The following REM2 variants were observed in gnomAD, a reference collection of about 807,000 sequenced individuals.
The protein encoded by REM2 is RRAD and GEM like GTPase 2, also known as GTP-binding protein REM 2.
Under a neutral mutation model 24.4 loss-of-function variants are expected in REM2, and 24 were observed. The ratio of observed to expected loss-of-function variants is 0.98; its 90% confidence interval spans 0.71 to 1.38. The LOEUF is 1.38. REM2 is among the 40% of genes most tolerant of loss of function. The pLI, the probability that REM2 is intolerant of heterozygous loss-of-function variation, is 0.00. For synonymous variants in REM2, 187 were observed against 198.0 expected (o/e 0.94, Z 0.47); for missense variants, 429 against 467.8 (o/e 0.92, Z 0.77).
At position 22,886,955 on chromosome 14, in the gene REM2, T is replaced by TCCGCTCGCCCCCC; in HGVS notation, c.*48_*60dup. 7.4e-7 allele frequency: 1 copy of TCCGCTCGCCCCCC among 1,351,030 alleles called. No individual in the cohort carries two copies. The highest frequency in any genetic ancestry group is 1.5e-5 in the African/African-American group (1 of 64,894). The allele number at this position is 1,351,030 out of a possible 1,614,324, so 83.7% of individuals were successfully genotyped here. A position where few individuals can be genotyped will look rare whatever the true frequency, so the allele number is the denominator to read the frequency against. ...TGCGGTCGCCATGGTCACCGCGCCC[T>TCCGCTCGCCCCCC]CCGCTCGCCCCCCCTCGCCCCGCCC... On this transcript the variant is annotated 3_prime_UTR_variant, in exon 5 of 5. Coordinates refer to ENST00000267396, the MANE Select transcript of REM2 (RefSeq NM_173527.3). The surrounding 1 kb of genome is among the most constrained non-coding windows in gnomAD (Gnocchi z 5.9).
intron 1 of REM2, chr14:22,884,425 G>C (rs1193848095): frequency 5.1e-6 from 5 of 985,334 alleles, no homozygotes; most frequent in Non-Finnish European, 4.8e-6. Flanking sequence ...TTCCCTGCAT[G>C]GGGCACGTTT....
At chr14:22,884,225 CCT>C in intron 1 of REM2, 2 of 985,434 alleles carry the variant, frequency 2.0e-6, no homozygotes, top group South Asian at 9.4e-5. Flanking sequence ...AGCTTGTCAT[CCT>C]CTCTGCTCCT....
chr14:22,885,227 T>G (rs2040112523), intron 2 of REM2, 39 bp from the exon 3 acceptor site: 1 of 1,578,882 alleles, frequency 6.3e-7, no homozygotes, highest in South Asian at 1.1e-5. Flanking sequence ...TTGGGAAACC[T>G]CCTAATGGAC....
In REM2 at chr14:22,886,924, G is replaced by A. The variant is rs1485630304; in HGVS notation, c.*15G>A. 1.1e-5 allele frequency: 15 copies of A among 1,405,090 alleles called. No individual in the cohort carries two copies. The highest frequency in any genetic ancestry group is 1.2e-5 in the Non-Finnish European group (13 of 1,073,362). The allele number at this position is 1,405,090 out of a possible 1,614,324, so 87.0% of individuals were successfully genotyped here. On this transcript the variant is annotated 3_prime_UTR_variant, in exon 5 of 5. Coordinates refer to ENST00000267396, the MANE Select transcript of REM2 (RefSeq NM_173527.3). The surrounding 1 kb of genome is among the most constrained non-coding windows in gnomAD (Gnocchi z 5.9). Reference sequence around the variant, plus strand: ...CGGTGCTCTGAGCCGCGGTCGCCATGGCCACTGCGGTCGCCATGGTCACCG... The same window carrying A: ...CGGTGCTCTGAGCCGCGGTCGCCATAGCCACTGCGGTCGCCATGGTCACCG...
At position 22,883,387 on chromosome 14, in the gene REM2, C is replaced by A. The variant is rs1176863333; in HGVS notation, c.100C>A (p.Pro34Thr). Residue 34 changes from proline (P) to threonine (T), a missense_variant, in exon 1 of 5, where the codon CCA (proline) becomes ACA (threonine). Transcript: ENST00000267396. ...RRASPPGTPT[P>T]EADATLLKKS... ...GGCCTCCCCTCCAGGGACGCCCACA[C>A]CAGGTGAGGGCTAACCTGGGCAGGT... 3.9e-6 allele frequency: 6 copies of A among 1,552,750 alleles called. No individual in the cohort carries two copies. The highest frequency in any genetic ancestry group is 2.4e-5 in the East Asian group (1 of 41,002).
chr14:22,886,573 C>A lies in REM2; in HGVS notation c.728-41C>A. ...CTAGACCCACCCTCGCCCCGGGTCC[C>A]GTACAGCCCAGCGGGCGCCTGAGCC... On this transcript the variant is annotated intron_variant, in intron 4 of 4. Coordinates refer to ENST00000267396, the MANE Select transcript of REM2 (RefSeq NM_173527.3). This position sits in a 1 kb window ranked among gnomAD's most constrained non-coding sequence, Gnocchi z 5.9. The A allele has an allele frequency of 6.9e-7, 1 of 1,441,880 alleles. No homozygotes were observed. Among genetic ancestry groups the A allele is most frequent in the Non-Finnish European group, 9.1e-7 (1 of 1,097,346 alleles). The allele number at this position is 1,441,880 out of a possible 1,614,324, so 89.3% of individuals were successfully genotyped here. A position where few individuals can be genotyped will look rare whatever the true frequency, so the allele number is the denominator to read the frequency against.
intron 3 of REM2, 145 bp from the exon 4 acceptor site, chr14:22,885,879 A>G (rs548730651): frequency 1.4e-5 from 9 of 638,958 alleles, no homozygotes; most frequent in Admixed American, 2.6e-5. Context: ...CACTCTGGGT[A>G]GGGAGATTCT....
In REM2 at chr14:22,887,042, C is replaced by T; in HGVS notation, c.*133C>T. 1.3e-6 allele frequency: 1 copy of T among 796,006 alleles called. No individual in the cohort carries two copies. Among genetic ancestry groups the T allele is most frequent in the Non-Finnish European group, 1.8e-6 (1 of 552,340 alleles). The allele number at this position is 796,006 out of a possible 1,614,324, so 49.3% of individuals were successfully genotyped here. A position where few individuals can be genotyped will look rare whatever the true frequency, so the allele number is the denominator to read the frequency against. On this transcript the variant is annotated 3_prime_UTR_variant, in exon 5 of 5. Transcript: ENST00000267396. ...GAAACCAAAAACTCCCAGGATGCCC[C>T]GGTGTGACCGCCGGGGGCGGCCCGG...
At position 22,884,977 on chromosome 14, in the gene REM2, G is replaced by C; in HGVS notation, c.407G>C (p.Gly136Ala). Reference protein sequence around the residue: ...GKSTLAGTFGGLQGDSAHEPE... With the variant: ...GKSTLAGTFGALQGDSAHEPE... ...AGCACCCTAGCAGGCACTTTTGGTG[G>C]TCTCCAGGGAGACAGTGCTCACGAA... The change falls in exon 2 of 5, where the codon GGT (glycine) becomes GCT (alanine). Residue 136 changes from glycine to alanine, a missense_variant. Physicochemically the swap from Gly to Ala is moderately conservative, Grantham distance 60. Coordinates refer to ENST00000267396, the MANE Select transcript of REM2 (RefSeq NM_173527.3). The C allele has an allele frequency of 6.4e-7, 1 of 1,562,198 alleles. No homozygotes were observed. The highest frequency in any genetic ancestry group is 8.7e-7 in the Non-Finnish European group (1 of 1,151,736).
At chr14:22,885,598 CTGGACACCCTG>C (rs2040117730) in intron 3 of REM2, among the ~76,000 whole-genome samples, 1 of 152,150 alleles carries the variant, frequency 6.6e-6, no homozygotes, top group African/African-American at 2.4e-5. Context: ...CCAAGCTAGG[CTGGACACCCTG>C]AAATTGACTC....
chr14:22,886,399 C>T lies in REM2; in HGVS notation c.727+168C>T, dbSNP rs57119196. 1,059 of 743,668 alleles carry T rather than the reference C, an allele frequency of 1.4e-3. 18 individuals are homozygous for T. The African/African-American group carries it at 0.017, about 12-fold the overall frequency. The allele number at this position is 743,668 out of a possible 1,614,324, so 46.1% of individuals were successfully genotyped here. A position where few individuals can be genotyped will look rare whatever the true frequency, so the allele number is the denominator to read the frequency against. ...CCCCACTCGAGGATCCTGAGAATCC[C>T]TTCTTGTCACTTCCCCTCACCTCTC... On this transcript the variant is annotated intron_variant, in intron 4 of 4. Transcript: ENST00000267396. This position sits in a 1 kb window ranked among gnomAD's most constrained non-coding sequence, Gnocchi z 5.9.
rs1393959219 is a variant in REM2, at chr14:22,886,494, C to G, written c.728-120C>G. On this transcript the variant is annotated intron_variant, in intron 4 of 4. Coordinates refer to ENST00000267396, the MANE Select transcript of REM2 (RefSeq NM_173527.3). The surrounding 1 kb of genome is among the most constrained non-coding windows in gnomAD (Gnocchi z 5.9). Reference sequence around the variant, plus strand: ...CCATATGAGCTCAGCCATGTTCTCTCGGTTGCAAGATTCACTAGTACCAAT... The same window carrying G: ...CCATATGAGCTCAGCCATGTTCTCTGGGTTGCAAGATTCACTAGTACCAAT... The G allele has an allele frequency of 2.1e-6, 2 of 947,234 alleles. No individual in the cohort carries two copies. The highest frequency in any genetic ancestry group is 3.3e-5 in the African/African-American group (2 of 60,324). The allele number at this position is 947,234 out of a possible 1,614,324, so 58.7% of individuals were successfully genotyped here. A position where few individuals can be genotyped will look rare whatever the true frequency, so the allele number is the denominator to read the frequency against.
Position 22,887,510 on chromosome 14 carries a change from G to A in REM2, c.*601G>A, listed in dbSNP as rs1193245679. On this transcript the variant is annotated 3_prime_UTR_variant, in exon 5 of 5. Transcript: ENST00000267396. ...TGCTGTTCCTGAGATGGATTCTCTTGACTTACCAGTCCACCACGGCACTTC... is the reference window on the plus strand; with the variant it reads ...TGCTGTTCCTGAGATGGATTCTCTTAACTTACCAGTCCACCACGGCACTTC... 6.6e-6 allele frequency: 1 copy of A among 152,160 alleles called. No individual in the cohort carries two copies. The highest frequency in any genetic ancestry group is 1.5e-5 in the Non-Finnish European group (1 of 68,030). The allele number at this position is 152,160 out of a possible 1,614,324, so 9.4% of individuals were successfully genotyped here. A position where few individuals can be genotyped will look rare whatever the true frequency, so the allele number is the denominator to read the frequency against.
chr14:22,883,609 C>T (rs1226557931), intron 1 of REM2, among the ~76,000 whole-genome samples: 1 of 152,120 alleles, frequency 6.6e-6, no homozygotes, highest in Non-Finnish European at 1.5e-5. Flanking sequence ...CCCAGCACTC[C>T]CAGGGCTTTG....
At position 22,885,937 on chromosome 14, in the gene REM2, C is replaced by T. The variant is rs887958427; in HGVS notation, c.520-87C>T. The T allele has an allele frequency of 3.5e-6, 4 of 1,133,646 alleles. 1 individual carries two copies. In the Admixed American group the frequency reaches 5.3e-5, roughly 15 times the overall value. The allele number at this position is 1,133,646 out of a possible 1,614,324, so 70.2% of individuals were successfully genotyped here. ...CTAAGCAGGTGGCTTCTTTCTGCCTCACAGCCCTGTTCCTCCTCTTTGAGG... is the reference window on the plus strand; with the variant it reads ...CTAAGCAGGTGGCTTCTTTCTGCCTTACAGCCCTGTTCCTCCTCTTTGAGG... On this transcript the variant is annotated intron_variant, in intron 3 of 4. Transcript: ENST00000267396.
Position 22,884,973 on chromosome 14 carries a change from G to C in REM2, c.403G>C (p.Gly135Arg). Reference sequence around the variant, plus strand: ...CAAGAGCACCCTAGCAGGCACTTTTGGTGGTCTCCAGGGAGACAGTGCTCA... The same window carrying C: ...CAAGAGCACCCTAGCAGGCACTTTTCGTGGTCTCCAGGGAGACAGTGCTCA... The part of the protein sequence containing the change: ...VGKSTLAGTF[G>R]GLQGDSAHEP... The change falls in exon 2 of 5, where the codon GGT (glycine) becomes CGT (arginine). Residue 135 changes from glycine to arginine, a missense_variant. Coordinates refer to ENST00000267396, the MANE Select transcript of REM2 (RefSeq NM_173527.3). 6 of 1,567,658 alleles carry C rather than the reference G, an allele frequency of 3.8e-6. No homozygotes were observed. Among genetic ancestry groups the C allele is most frequent in the Non-Finnish European group, 5.2e-6 (6 of 1,153,894 alleles).
In REM2 at chr14:22,884,001, G is replaced by C. The variant is rs117502337; in HGVS notation, c.103+611G>C. 5.4e-5 allele frequency: 53 copies of C among 984,788 alleles called. No homozygotes were observed. In the East Asian group the frequency reaches 6.0e-3, roughly 112 times the overall value. The allele number at this position is 984,788 out of a possible 1,614,324, so 61.0% of individuals were successfully genotyped here. A position where few individuals can be genotyped will look rare whatever the true frequency, so the allele number is the denominator to read the frequency against. On this transcript the variant is annotated intron_variant, in intron 1 of 4. Coordinates refer to ENST00000267396, the MANE Select transcript of REM2 (RefSeq NM_173527.3). ...CTCACAGGGACAGACAGGGATGCAG[G>C]ATTCTCACATCCAACCACGCAATGA...
Position 22,887,076 on chromosome 14 carries a change from G to A in REM2, c.*167G>A, listed in dbSNP as rs1441179413. The A allele has an allele frequency of 5.8e-6, 3 of 521,002 alleles. No individual in the cohort carries two copies. The highest frequency in any genetic ancestry group is 3.5e-5 in the East Asian group (1 of 28,758). 32.3% of individuals were successfully genotyped at this position (521,002 alleles called of 1,614,324 possible). On this transcript the variant is annotated 3_prime_UTR_variant, in exon 5 of 5. Coordinates refer to ENST00000267396, the MANE Select transcript of REM2 (RefSeq NM_173527.3). ...CGCCGGGGGCGGCCCGGGGCCGCTC[G>A]GCGGCACCTCCACACCCGCCCCAAC...
rs961115895 is a variant in REM2 at position 22,886,281 on chromosome 14, C to T, written c.727+50C>T. 2.0e-6 allele frequency: 3 copies of T among 1,502,004 alleles called. No individual in the cohort carries two copies. In the African/African-American group the frequency reaches 4.1e-5, roughly 21 times the overall value. 93.0% of individuals were successfully genotyped at this position (1,502,004 alleles called of 1,614,324 possible). ...ACTTGCGATCTCAGGGGAATGCTCT[C>T]CCTTCCAAGTCACCTCTTCTCCCTA... On this transcript the variant is annotated intron_variant, in intron 4 of 4. Coordinates refer to ENST00000267396, the MANE Select transcript of REM2 (RefSeq NM_173527.3). This position sits in a 1 kb window ranked among gnomAD's most constrained non-coding sequence, Gnocchi z 5.9.
Sources: allele counts gnomAD v4.1 joint callset (sites outside exome capture counted in the v4.1 genomes callset), GRCh38; gene constraint gnomAD v4.1.1; non-coding constraint Gnocchi (gnomAD v3.1); transcripts MANE v1.5; gene names NCBI Gene and HGNC (gene_info 2026-07-23, HGNC 2026-07-21).